Variants in SOX5 observed in about 807,000 individuals in gnomAD.
The protein encoded by SOX5 is transcription factor SOX-5.
A neutral mutation model predicts 92.0 loss-of-function variants in SOX5; 9 were observed. The observed-to-expected ratio is 0.10, with a 90% CI of 0.06 to 0.17. The LOEUF is 0.17. SOX5 is among the 10% of genes least tolerant of loss of function. The pLI, the probability that SOX5 is intolerant of heterozygous loss-of-function variation, is 1.00. For missense variants in SOX5, 642 were observed against 944.5 expected (o/e 0.68, Z 4.20); for synonymous variants, 344 against 336.3 (o/e 1.02, Z -0.25).
chr12:24,197,363 C>A (rs1957103761), intron 4 of SOX5, among the ~76,000 whole-genome samples: 1 of 152,012 alleles, frequency 6.6e-6, no homozygotes, highest in African/African-American at 2.4e-5. Flanking sequence ...GTGAAGGAAA[C>A]CCTAGACAAA....
chr12:24,036,870 A>G (rs995828198), intron 4 of SOX5, among the ~76,000 whole-genome samples: 1 of 152,216 alleles, frequency 6.6e-6, no homozygotes, highest in African/African-American at 2.4e-5. Flanking sequence ...TTTCCTGACA[A>G]TAAAGAATCC....
intron 4 of SOX5, among the ~76,000 whole-genome samples, chr12:24,152,451 C>A (rs1408372755): frequency 6.6e-6 from 1 of 152,128 alleles, no homozygotes; most frequent in Non-Finnish European, 1.5e-5. Flanking sequence ...TCTTAGCCAG[C>A]CTTGCTTTGC....
intron 2 of SOX5, among the ~76,000 whole-genome samples, chr12:23,873,721 C>T (rs1407763373): frequency 6.6e-6 from 1 of 152,052 alleles, no homozygotes; most frequent in Non-Finnish European, 1.5e-5. Flanking sequence ...CTTTTCTTTG[C>T]CGCAAAGGAT....
At chr12:24,092,908 C>T (rs760063294) in intron 4 of SOX5, among the ~76,000 whole-genome samples, 3 of 152,108 alleles carry the variant, frequency 2.0e-5, no homozygotes, top group Non-Finnish European at 4.4e-5. Flanking sequence ...TGGCCTTTAA[C>T]GCCACAGATT....
chr12:24,215,314 C>A (rs970301830), intron 3 of SOX5, among the ~76,000 whole-genome samples: 4 of 152,014 alleles, frequency 2.6e-5, no homozygotes, highest in Non-Finnish European at 5.9e-5. Flanking sequence ...ATGATTATCG[C>A]TATTTGTAGA....
At chr12:23,635,326 T>C (rs1473999722) in intron 8 of SOX5, among the ~76,000 whole-genome samples, 1 of 152,110 alleles carries the variant, frequency 6.6e-6, no homozygotes, top group Non-Finnish European at 1.5e-5. Context: ...TGAAGGTCCT[T>C]GAGCAGGAAG....
intron 1 of SOX5, among the ~76,000 whole-genome samples, chr12:24,428,320 A>G (rs1596527826): frequency 6.6e-6 from 1 of 152,010 alleles, no homozygotes; most frequent in East Asian, 1.9e-4. Flanking sequence ...TCTTCTCTTC[A>G]AATTTCCAGA....
intron 2 of SOX5, among the ~76,000 whole-genome samples, chr12:24,332,833 C>G (rs369626227): frequency 9.1e-4 from 138 of 151,984 alleles, no homozygotes; most frequent in Admixed American, 1.5e-3. Flanking sequence ...TAAAGCCCAC[C>G]TATAGACAAA....
chr12:23,815,811 T>C (rs1160923097), intron 3 of SOX5, among the ~76,000 whole-genome samples: 3 of 152,298 alleles, frequency 2.0e-5, no homozygotes, highest in African/African-American at 2.4e-5. Context: ...CTCTGGATAA[T>C]GGAATGACTA....
In SOX5 at chr12:23,533,015, T is replaced by G. The variant is rs115434154; in HGVS notation, c.*1204A>C. The G allele has an allele frequency of 3.6e-4, 80 of 222,410 alleles. 1 individual carries two copies. The East Asian group carries it at 8.7e-3, about 24-fold the overall frequency. 13.8% of individuals were successfully genotyped at this position (222,410 alleles called of 1,614,324 possible). On this transcript the variant is annotated 3_prime_UTR_variant, in exon 15 of 15. Transcript: ENST00000451604. Reference sequence around the variant, plus strand: ...CAGTTTGCTAGTAGCTTCCATGTTATACATGCACACCTCTATTACACAGGG... The same window carrying G: ...CAGTTTGCTAGTAGCTTCCATGTTAGACATGCACACCTCTATTACACAGGG...
chr12:23,550,283 A>G (rs74070552), intron 11 of SOX5, among the ~76,000 whole-genome samples: 3,343 of 151,982 alleles, frequency 0.022, 108 homozygotes, highest in African/African-American at 0.076. Flanking sequence ...GAGTTTTGGC[A>G]TCAGGAATAT....
intron 6 of SOX5, among the ~76,000 whole-genome samples, chr12:23,674,870 AAT>A (rs1475621377): frequency 1.3e-5 from 2 of 152,014 alleles, no homozygotes; most frequent in Non-Finnish European, 2.9e-5. Context: ...TGAGCAGAAA[AAT>A]AGAGATGCAA....
At chr12:23,596,371 A>C (rs1952450034) in intron 9 of SOX5, among the ~76,000 whole-genome samples, 1 of 152,214 alleles carries the variant, frequency 6.6e-6, no homozygotes, top group Non-Finnish European at 1.5e-5. Flanking sequence ...GACATCAGTA[A>C]TTGTTGTCAT....
At chr12:23,567,734 G>C (rs145918166) in intron 10 of SOX5, among the ~76,000 whole-genome samples, 3,301 of 152,042 alleles carry the variant, frequency 0.022, 103 homozygotes, top group African/African-American at 0.075. Context: ...AGGATTACAG[G>C]CATGAGCCAC....
intron 2 of SOX5, among the ~76,000 whole-genome samples, chr12:23,860,979 C>T (rs2096750935): frequency 9.5e-6 from 1 of 105,188 alleles, no homozygotes; most frequent in Non-Finnish European, 1.9e-5. Flanking sequence ...AAAAAAAAAA[C>T]CCTGCCAACA....
chr12:24,508,532 C>T (rs535444218), intron 1 of SOX5, among the ~76,000 whole-genome samples: 1 of 152,044 alleles, frequency 6.6e-6, no homozygotes, highest in Non-Finnish European at 1.5e-5. Flanking sequence ...TTGAGATTTC[C>T]GTGAGACATC....
At chr12:23,730,867 C>G (rs888547883) in intron 6 of SOX5, among the ~76,000 whole-genome samples, 1 of 152,114 alleles carries the variant, frequency 6.6e-6, no homozygotes, top group Non-Finnish European at 1.5e-5. Flanking sequence ...ATTAATTATA[C>G]GTGTCCAGTT....
chr12:24,369,159 G>A (rs189995674), intron 1 of SOX5, among the ~76,000 whole-genome samples: 82 of 152,276 alleles, frequency 5.4e-4, no homozygotes, highest in African/African-American at 1.9e-3. Context: ...CATTGATGGA[G>A]TGAAGAATTA....
rs11398102 is a variant in SOX5, at chr12:23,568,891, C to CAAAA, written c.1343-5492_1343-5489dup. ...CCAGATAAAGCATTTAAGAATATCT[C>CAAAA]AAAAAAAAAAAAAAATGCCGGGCAT... On this transcript the variant is annotated intron_variant, in intron 10 of 14. Transcript: ENST00000451604. Among the ~76,000 whole-genome samples, 7 of 145,424 alleles carry CAAAA rather than the reference C, an allele frequency of 4.8e-5. No individual in the cohort carries two copies. In the East Asian group the frequency reaches 8.1e-4, roughly 17 times the overall value.
Sources: gnomAD v4.1 joint callset for allele counts (sites outside exome capture counted in the v4.1 genomes callset) on GRCh38, gnomAD v4.1.1 for gene constraint, MANE v1.5 for transcripts, NCBI Gene and HGNC (gene_info 2026-07-23, HGNC 2026-07-21) for gene names.